ZNF536: variants seen among roughly 807,000 people sequenced by gnomAD.
The protein encoded by ZNF536 is zinc finger protein 536.
In ZNF536, 13 loss-of-function variants were observed where a neutral mutation model predicts 84.5. The ratio of observed to expected loss-of-function variants is 0.15; its 90% CI spans 0.10 to 0.24. The LOEUF (loss-of-function observed/expected upper bound fraction) is 0.24, where lower values mean the gene tolerates loss of function less well. ZNF536 is among the 10% of genes least tolerant of loss of function. ZNF536 has a pLI of 1.00. For synonymous variants in ZNF536, 811 were observed against 742.5 expected (o/e 1.09, Z -1.50); for missense variants, 1,536 against 1,747.5 (o/e 0.88, Z 2.16).
intron 1 of ZNF536, among the ~76,000 whole-genome samples, chr19:30,645,212 G>T (rs888322373): frequency 1.3e-5 from 2 of 152,176 alleles, no homozygotes; most frequent in African/African-American, 2.4e-5. Flanking sequence ...TTTTGATGGG[G>T]TTGTTTGTTT....
At chr19:30,684,651 G>C (rs1476514757) in intron 1 of ZNF536, among the ~76,000 whole-genome samples, 1 of 152,190 alleles carries the variant, frequency 6.6e-6, no homozygotes, top group Admixed American at 6.5e-5. Flanking sequence ...GCTTTGGTTT[G>C]CTTTCCTGCT....
intron 1 of ZNF536, among the ~76,000 whole-genome samples, chr19:30,650,959 C>G (rs2049678886): frequency 1.3e-5 from 2 of 152,170 alleles, no homozygotes; most frequent in Non-Finnish European, 2.9e-5. Flanking sequence ...ATATTGATGT[C>G]TAAAATATAT....
At chr19:30,383,680 CTTCCTTCCTTTCT>C (rs1457054679) in intron 1 of ZNF536, among the ~76,000 whole-genome samples, 7 of 12,814 alleles carry the variant, frequency 5.5e-4, no homozygotes, top group African/African-American at 2.0e-3. Flanking sequence ...TTCTTCCTTT[CTTCCTTCCTTTCT>C]TTTCTTTCTC....
chr19:30,618,345 A>C (rs1443564928), intron 1 of ZNF536, among the ~76,000 whole-genome samples: 1 of 152,178 alleles, frequency 6.6e-6, no homozygotes, highest in Non-Finnish European at 1.5e-5. Flanking sequence ...TGTCTTTGCC[A>C]ATCATTACAA....
At chr19:30,304,531 G>C (rs1459605138) in intron 2 of ZNF536, among the ~76,000 whole-genome samples, 1 of 152,216 alleles carries the variant, frequency 6.6e-6, no homozygotes, top group Non-Finnish European at 1.5e-5. Context: ...ACAAGGGGGA[G>C]CCTGGGCCTG....
chr19:30,670,889 A>T (rs1168758014), intron 1 of ZNF536, among the ~76,000 whole-genome samples: 2 of 152,164 alleles, frequency 1.3e-5, no homozygotes, highest in Non-Finnish European at 2.9e-5. Context: ...TATCAAATGG[A>T]TGAATGATTG....
At chr19:30,558,452 G>A (rs775045255), downstream of ZNF536, among the ~76,000 whole-genome samples, 7 of 152,192 alleles carry the variant, frequency 4.6e-5, no homozygotes, top group African/African-American at 7.2e-5. Context: ...CCCCATCCCA[G>A]ATGTGGAAAC....
At chr19:30,490,892 G>A (rs1010568738) in intron 2 of ZNF536, among the ~76,000 whole-genome samples, 3 of 152,174 alleles carry the variant, frequency 2.0e-5, no homozygotes, top group African/African-American at 4.8e-5. Context: ...GCCCCAGCCC[G>A]GTGACTAATG....
At chr19:30,343,104 C>T (rs1272122627) in intron 2 of ZNF536, among the ~76,000 whole-genome samples, 1 of 152,114 alleles carries the variant, frequency 6.6e-6, no homozygotes, top group African/African-American at 2.4e-5. Context: ...GCCTTGGGCC[C>T]CTGGATAAGC....
intron 2 of ZNF536, among the ~76,000 whole-genome samples, chr19:30,308,327 C>T (rs2046401448): frequency 6.6e-6 from 1 of 152,066 alleles, no homozygotes; most frequent in South Asian, 2.1e-4. Flanking sequence ...GGACTTGGCG[C>T]TTTCTCCATG....
At chr19:30,256,848 C>T (rs2024942497) in intron 1 of ZNF536, among the ~76,000 whole-genome samples, 1 of 152,066 alleles carries the variant, frequency 6.6e-6, no homozygotes, top group Non-Finnish European at 1.5e-5. Context: ...AGTATTGGTG[C>T]AACTGTAAAC....
intron 2 of ZNF536, among the ~76,000 whole-genome samples, chr19:30,493,232 C>T (rs913834037): frequency 1.3e-5 from 2 of 150,864 alleles, no homozygotes; most frequent in African/African-American, 2.4e-5. Context: ...GTAATGAAAC[C>T]TTCCTCCCCT....
intron 1 of ZNF536, among the ~76,000 whole-genome samples, chr19:30,662,914 G>A (rs1190158697): frequency 6.7e-6 from 1 of 150,200 alleles, no homozygotes; most frequent in Non-Finnish European, 1.5e-5. Context: ...AAAGAAAAAA[G>A]GGAAAATTTT....
At chr19:30,468,984 C>T (rs1425984860) in intron 2 of ZNF536, among the ~76,000 whole-genome samples, 1 of 152,114 alleles carries the variant, frequency 6.6e-6, no homozygotes, top group Admixed American at 6.5e-5. Context: ...GGGGCTTTCT[C>T]CCTTCCCTGG....
chr19:30,586,022 C>T (rs1348263342), intron 1 of ZNF536, among the ~76,000 whole-genome samples: 2 of 152,140 alleles, frequency 1.3e-5, no homozygotes, highest in South Asian at 2.1e-4. Context: ...TATATACTTC[C>T]TCTAATCCCC....
At chr19:30,295,376 G>A (rs2045965508) in intron 2 of ZNF536, among the ~76,000 whole-genome samples, 1 of 152,188 alleles carries the variant, frequency 6.6e-6, no homozygotes, top group Non-Finnish European at 1.5e-5. Flanking sequence ...GCCAAGGTAT[G>A]AACGGCTGGG....
intron 1 of ZNF536, among the ~76,000 whole-genome samples, chr19:30,637,301 A>T (rs570798016): frequency 6.6e-6 from 1 of 152,296 alleles, no homozygotes; most frequent in East Asian, 1.9e-4. Context: ...GCTGGGTATC[A>T]TGTCCTACTG....
chr19:30,343,051 C>G (rs1214606884), intron 2 of ZNF536, among the ~76,000 whole-genome samples: 2 of 152,112 alleles, frequency 1.3e-5, no homozygotes, highest in Non-Finnish European at 2.9e-5. Context: ...GGTCTGCAGT[C>G]TCTGGGTCTC....
chr19:30,604,433 G>C (rs1032572001), intron 1 of ZNF536, among the ~76,000 whole-genome samples: 74 of 152,184 alleles, frequency 4.9e-4, no homozygotes, highest in African/African-American at 1.8e-3. Flanking sequence ...TATAATGAGT[G>C]TTTATTATGT....
Sources: allele counts gnomAD v4.1 joint callset (sites outside exome capture counted in the v4.1 genomes callset), GRCh38; gene constraint gnomAD v4.1.1; transcripts MANE v1.5; gene names NCBI Gene and HGNC (gene_info 2026-07-23, HGNC 2026-07-21).